The following PTPRD variants were observed in gnomAD, a reference collection of about 807,000 sequenced individuals.
The protein encoded by PTPRD is receptor-type tyrosine-protein phosphatase delta.
In PTPRD, 34 loss-of-function variants were observed where a neutral mutation model predicts 214.5. That is an observed-to-expected ratio of 0.16 (90% CI 0.12 to 0.21). PTPRD has a LOEUF of 0.21. Among genes scored for constraint, PTPRD ranks in the 10% least tolerant of loss-of-function variants. PTPRD has a pLI of 1.00. For synonymous variants in PTPRD, 1,128 were observed against 845.7 expected (o/e 1.33, Z -5.79); for missense variants, 2,545 against 2,398.7 (o/e 1.06, Z -1.27).
intron 11 of PTPRD, among the ~76,000 whole-genome samples, chr9:8,917,054 C>CTT (rs61077928): frequency 0.012 from 1,544 of 125,794 alleles, 34 homozygotes; most frequent in African/African-American, 0.041. Flanking sequence ...CATTTTCTTT[C>CTT]TTTTTTTTTT....
chr9:8,768,964 T>C (rs938804000), intron 11 of PTPRD, among the ~76,000 whole-genome samples: 1 of 152,246 alleles, frequency 6.6e-6, no homozygotes, highest in Middle Eastern at 3.4e-3. Flanking sequence ...TAAAAACAGA[T>C]TTCCCGTGTT....
chr9:9,969,793 A>G (rs1048642594), intron 4 of PTPRD, among the ~76,000 whole-genome samples: 2 of 152,214 alleles, frequency 1.3e-5, no homozygotes, highest in African/African-American at 4.8e-5. Context: ...ATAGCAAAAG[A>G]TTTCAAACTT....
Position 10,612,889 on chromosome 9 carries a change from C to T in PTPRD, c.-909G>A, listed in dbSNP as rs1023765820. 3.3e-5 allele frequency among the ~76,000 whole-genome samples: 5 copies of T among 151,816 alleles called. No individual in the cohort carries two copies. The highest frequency in any genetic ancestry group is 5.9e-5 in the Non-Finnish European group (4 of 67,932). On this transcript the variant is annotated 5_prime_UTR_variant, in exon 1 of 46. Coordinates refer to ENST00000381196, the MANE Select transcript of PTPRD (RefSeq NM_002839.4). ...GAGGCTCTGTCGGGGCGAGGCGCTG[C>T]CCCCACGCGCTCCGGCCGCCGGCTG...
At chr9:9,447,815 G>T (rs74713462) in intron 8 of PTPRD, among the ~76,000 whole-genome samples, 1 of 152,142 alleles carries the variant, frequency 6.6e-6, no homozygotes, top group Non-Finnish European at 1.5e-5. Context: ...GGAAGGGAAA[G>T]ATGAGTCTGA....
chr9:8,652,013 A>AT (rs1433947000), intron 12 of PTPRD, among the ~76,000 whole-genome samples: 1 of 152,208 alleles, frequency 6.6e-6, no homozygotes, highest in East Asian at 1.9e-4. Context: ...AGAGAAACAC[A>AT]TTATCTGAGC....
chr9:10,525,943 C>T (rs1041716199), intron 2 of PTPRD, among the ~76,000 whole-genome samples: 1 of 152,000 alleles, frequency 6.6e-6, no homozygotes, highest in Non-Finnish European at 1.5e-5. Context: ...TAGTTACTAA[C>T]CTCATGCGGT....
chr9:10,130,985 G>A (rs946017506), intron 3 of PTPRD, among the ~76,000 whole-genome samples: 3 of 152,106 alleles, frequency 2.0e-5, no homozygotes, highest in Admixed American at 1.3e-4. Flanking sequence ...GATCCCTAAA[G>A]CTCTATAAGC....
intron 9 of PTPRD, among the ~76,000 whole-genome samples, chr9:9,385,841 T>C (rs939314016): frequency 6.6e-6 from 1 of 152,202 alleles, no homozygotes; most frequent in Non-Finnish European, 1.5e-5. Flanking sequence ...AGTCCAAAGA[T>C]ACATAGAAGG....
chr9:10,017,640 A>C (rs951869254), intron 4 of PTPRD, among the ~76,000 whole-genome samples: 5 of 152,098 alleles, frequency 3.3e-5, no homozygotes, highest in Non-Finnish European at 5.9e-5. Context: ...TCCATATGAA[A>C]AATCAATTAT....
intron 10 of PTPRD, among the ~76,000 whole-genome samples, chr9:9,114,281 G>A (rs182661539): frequency 6.6e-6 from 1 of 152,270 alleles, no homozygotes; most frequent in African/African-American, 2.4e-5. Flanking sequence ...GGGCACTTAT[G>A]TCTGTGTATG....
chr9:10,108,541 T>G (rs899380095), intron 3 of PTPRD, among the ~76,000 whole-genome samples: 2 of 151,868 alleles, frequency 1.3e-5, no homozygotes, highest in African/African-American at 4.8e-5. Context: ...ACTTCTGAGG[T>G]ACCATATATA....
intron 10 of PTPRD, among the ~76,000 whole-genome samples, chr9:9,160,957 G>A (rs772326479): frequency 7.2e-5 from 11 of 152,042 alleles, no homozygotes; most frequent in African/African-American, 1.9e-4. Context: ...TCTCACTTAC[G>A]TTACTTATAT....
intron 14 of PTPRD, among the ~76,000 whole-genome samples, chr9:8,557,787 C>CAA (rs2084538311): frequency 7.2e-6 from 1 of 139,132 alleles, no homozygotes; most frequent in African/African-American, 2.8e-5. Context: ...AATACACACA[C>CAA]ACACACACAC....
intron 9 of PTPRD, among the ~76,000 whole-genome samples, chr9:9,260,330 G>T (rs774107920): frequency 6.6e-6 from 1 of 151,776 alleles, no homozygotes; most frequent in Non-Finnish European, 1.5e-5. Flanking sequence ...ACTGTAAAGG[G>T]ACTGACTATA....
chr9:9,645,688 A>T (rs2096136032), intron 7 of PTPRD, among the ~76,000 whole-genome samples: 1 of 151,250 alleles, frequency 6.6e-6, no homozygotes, highest in South Asian at 2.1e-4. Flanking sequence ...ATTTTCTTTC[A>T]TTTTTCTTAT....
At chr9:9,458,448 C>T (rs1396644565) in intron 8 of PTPRD, among the ~76,000 whole-genome samples, 3 of 151,832 alleles carry the variant, frequency 2.0e-5, no homozygotes, top group Non-Finnish European at 4.4e-5. Context: ...AGATTTTATT[C>T]TTTTAGGCTA....
At chr9:9,405,831 C>G (rs750267105) in intron 8 of PTPRD, among the ~76,000 whole-genome samples, 2 of 151,952 alleles carry the variant, frequency 1.3e-5, no homozygotes, top group Non-Finnish European at 1.5e-5. Context: ...TTTTATGTAG[C>G]CTTGGAATGT....
At chr9:8,436,189 A>G (rs1340449979) in intron 35 of PTPRD, among the ~76,000 whole-genome samples, 1 of 151,514 alleles carries the variant, frequency 6.6e-6, no homozygotes, top group Non-Finnish European at 1.5e-5. Flanking sequence ...GTGATTACCA[A>G]TGGAGGGCTG....
intron 9 of PTPRD, among the ~76,000 whole-genome samples, chr9:9,246,494 C>T (rs1217125467): frequency 1.3e-5 from 2 of 152,084 alleles, no homozygotes; most frequent in Admixed American, 1.3e-4. Context: ...CTCCTTCCTG[C>T]CTCCACTCCC....
Sources: allele counts gnomAD v4.1 joint callset (sites outside exome capture counted in the v4.1 genomes callset), GRCh38; gene constraint gnomAD v4.1.1; transcripts MANE v1.5; gene names NCBI Gene and HGNC (gene_info 2026-07-23, HGNC 2026-07-21).